The following TNFRSF21 variants were observed in gnomAD, a reference collection of about 807,000 sequenced individuals.
The protein encoded by TNFRSF21 is TNF receptor superfamily member 21, also known as tumor necrosis factor receptor superfamily member 21.
A neutral mutation model predicts 45.6 loss-of-function variants in TNFRSF21; 19 were observed. The observed-to-expected ratio is 0.42, with a 90% CI of 0.29 to 0.61. The LOEUF (loss-of-function observed/expected upper bound fraction) is 0.61. TNFRSF21 is among the 20% of genes least tolerant of loss of function. The pLI is 0.23. For synonymous variants in TNFRSF21, 314 were observed against 335.5 expected, an observed-to-expected ratio of 0.94 and a Z score of 0.70; for missense variants, 737 against 851.5, an observed-to-expected ratio of 0.87 and a Z score of 1.67.
chr6:47,271,024 A>T (rs1459649740), intron 3 of TNFRSF21, among the ~76,000 whole-genome samples: 1 of 152,182 alleles, frequency 6.6e-6, no homozygotes, highest in East Asian at 1.9e-4. Context: ...ATGTGAAAAG[A>T]CCAAATCTAC....
chr6:47,267,579 G>A (rs1470209241), intron 3 of TNFRSF21, among the ~76,000 whole-genome samples: 2 of 152,170 alleles, frequency 1.3e-5, no homozygotes, highest in East Asian at 1.9e-4. Flanking sequence ...ATGTCCCTCC[G>A]CCTCACTCCA....
chr6:47,270,611 C>T (rs939070735), intron 3 of TNFRSF21, among the ~76,000 whole-genome samples: 1 of 152,188 alleles, frequency 6.6e-6, no homozygotes, highest in Non-Finnish European at 1.5e-5. Context: ...TCTTCTCCTC[C>T]AAAGGATCAC....
intron 1 of TNFRSF21, among the ~76,000 whole-genome samples, chr6:47,291,631 G>C (rs926078813): frequency 3.9e-5 from 6 of 152,204 alleles, no homozygotes; most frequent in Non-Finnish European, 7.3e-5. Flanking sequence ...CCTTGGACCA[G>C]GGAGGGATGG....
chr6:47,299,052 A>G (rs2113869761), intron 1 of TNFRSF21, among the ~76,000 whole-genome samples: 1 of 152,374 alleles, frequency 6.6e-6, no homozygotes, highest in South Asian at 2.1e-4. Flanking sequence ...AACAAACCCA[A>G]TATTTAAAAC....
chr6:47,233,028 A>C, intron 5 of TNFRSF21, 34 bp from the exon 6 acceptor site: 1 of 1,605,166 alleles, frequency 6.2e-7, no homozygotes, highest in Non-Finnish European at 8.5e-7. Flanking sequence ...AGACAGCTGT[A>C]AGGTGACTGT....
chr6:47,305,013 T>G (rs1486943343), intron 1 of TNFRSF21, among the ~76,000 whole-genome samples: 2 of 152,180 alleles, frequency 1.3e-5, no homozygotes, highest in African/African-American at 4.8e-5. Context: ...ACGTATGTCA[T>G]TCTCAGATTT....
chr6:47,262,895 C>T (rs915439544), intron 3 of TNFRSF21, among the ~76,000 whole-genome samples: 6 of 152,088 alleles, frequency 3.9e-5, no homozygotes, highest in African/African-American at 4.8e-5. Context: ...TAAAAAGTCA[C>T]GGGAGACCTT....
intron 3 of TNFRSF21, among the ~76,000 whole-genome samples, chr6:47,254,759 T>C (rs1764955614): frequency 6.6e-6 from 1 of 152,224 alleles, no homozygotes; most frequent in Non-Finnish European, 1.5e-5. Flanking sequence ...GCTTGCATAG[T>C]TATAATGAAG....
intron 1 of TNFRSF21, among the ~76,000 whole-genome samples, chr6:47,290,893 G>A (rs1762715310): frequency 6.6e-6 from 1 of 152,214 alleles, no homozygotes. Context: ...ATAGAATCTT[G>A]AGAACTCTAT....
rs150487090 is a variant in TNFRSF21 at position 47,286,047 on chromosome 6, C to T, written c.645G>A (p.Pro215=). The T allele has an allele frequency of 4.1e-5, 66 of 1,614,166 alleles. No individual in the cohort carries two copies. Among genetic ancestry groups the T allele is most frequent in the Admixed American group, 2.5e-4 (15 of 60,018 alleles). Reference sequence around the variant, plus strand: ...AAGGTGAGGTGGAGCTGGAGAAGGACGGGAGTGTGCCACAGACGTTGTCTG... The same window carrying T: ...AAGGTGAGGTGGAGCTGGAGAAGGATGGGAGTGTGCCACAGACGTTGTCTG... The part of the protein sequence containing the change: ...KETDNVCGTL[P]SFSSSTSPSP... Residue 215 remains proline, a synonymous_variant, in exon 2 of 6, where the codon CCG becomes CCA. Coordinates refer to ENST00000296861, the MANE Select transcript of TNFRSF21 (RefSeq NM_014452.5).
intron 3 of TNFRSF21, among the ~76,000 whole-genome samples, chr6:47,255,788 C>T (rs527656856): frequency 2.0e-5 from 3 of 152,004 alleles, no homozygotes; most frequent in African/African-American, 4.8e-5. Flanking sequence ...AATGAGGTCA[C>T]GCTCACCTGC....
chr6:47,297,510 C>CTTTTTTTT (rs55690288), intron 1 of TNFRSF21, among the ~76,000 whole-genome samples: 50 of 117,448 alleles, frequency 4.3e-4, no homozygotes, highest in East Asian at 1.1e-3. Flanking sequence ...TCTCTTTTTA[C>CTTTTTTTT]TTTTTTTTTT....
intron 1 of TNFRSF21, among the ~76,000 whole-genome samples, chr6:47,297,545 C>G (rs1371559301): frequency 1.6e-5 from 2 of 122,104 alleles, no homozygotes; most frequent in South Asian, 5.4e-4. Flanking sequence ...TTTTTTGAGA[C>G]GAAGTCTCGC....
At chr6:47,282,549 G>A (rs547506962) in intron 3 of TNFRSF21, among the ~76,000 whole-genome samples, 3 of 152,074 alleles carry the variant, frequency 2.0e-5, no homozygotes, top group Non-Finnish European at 2.9e-5. Context: ...TTTTCTAAAC[G>A]TTTCGTTATA....
intron 3 of TNFRSF21, among the ~76,000 whole-genome samples, chr6:47,273,748 T>C (rs928426373): frequency 3.3e-5 from 5 of 152,192 alleles, no homozygotes; most frequent in Non-Finnish European, 7.3e-5. Flanking sequence ...GACATGACCA[T>C]ATATTTAGAA....
At chr6:47,236,436 C>T (rs1372387241) in intron 4 of TNFRSF21, among the ~76,000 whole-genome samples, 1 of 152,216 alleles carries the variant, frequency 6.6e-6, no homozygotes. Context: ...ATTGATATTT[C>T]AAAGTATTAC....
At chr6:47,266,672 T>C (rs978844055) in intron 3 of TNFRSF21, among the ~76,000 whole-genome samples, 1 of 152,226 alleles carries the variant, frequency 6.6e-6, no homozygotes. Context: ...TTTAACTTAG[T>C]ATTTGAATTT....
At chr6:47,265,204 T>G (rs1762314682) in intron 3 of TNFRSF21, among the ~76,000 whole-genome samples, 1 of 152,196 alleles carries the variant, frequency 6.6e-6, no homozygotes, top group Non-Finnish European at 1.5e-5. Flanking sequence ...AGCCATTGGG[T>G]GTCTGGCTTT....
At chr6:47,276,818 G>T (rs1170842381) in intron 3 of TNFRSF21, among the ~76,000 whole-genome samples, 2 of 152,224 alleles carry the variant, frequency 1.3e-5, no homozygotes, top group African/African-American at 2.4e-5. Context: ...AGCCACTGAA[G>T]AGTCTTGCTT....
Sources: allele counts gnomAD v4.1 joint callset (sites outside exome capture counted in the v4.1 genomes callset), GRCh38; gene constraint gnomAD v4.1.1; transcripts MANE v1.5; gene names NCBI Gene and HGNC (gene_info 2026-07-23, HGNC 2026-07-21).